TLL1: variants seen among roughly 807,000 people sequenced by gnomAD.
The protein encoded by TLL1 is tolloid-like protein 1.
TLL1 carries 49 observed loss-of-function variants against 128.2 expected under a neutral mutation model. The observed-to-expected ratio is 0.38, with a 90% CI of 0.30 to 0.48. The LOEUF (loss-of-function observed/expected upper bound fraction) is 0.48, where lower values mean the gene tolerates loss of function less well. Ranked by LOEUF, TLL1 falls within the 20% of genes least tolerant of loss-of-function variation. The pLI is 0.96. For synonymous variants in TLL1, 454 were observed against 418.8 expected (o/e 1.08, Z -1.03); for missense variants, 1,123 against 1,242.0 (o/e 0.90, Z 1.44).
At chr4:165,942,455 T>TTG (rs1288348888) in intron 1 of TLL1, among the ~76,000 whole-genome samples, 2 of 151,998 alleles carry the variant, frequency 1.3e-5, no homozygotes, top group South Asian at 2.1e-4. Context: ...AGTTACTGTT[T>TTG]TGTCTATCTC....
intron 1 of TLL1, among the ~76,000 whole-genome samples, chr4:165,933,512 G>A (rs1733626616): frequency 6.6e-6 from 1 of 152,152 alleles, no homozygotes; most frequent in Non-Finnish European, 1.5e-5. Flanking sequence ...CTGTCCATCA[G>A]CTATTAATTT....
intron 1 of TLL1, among the ~76,000 whole-genome samples, chr4:165,911,388 T>G (rs1166592457): frequency 6.6e-6 from 1 of 152,240 alleles, no homozygotes; most frequent in African/African-American, 2.4e-5. Flanking sequence ...TTTTTATGGC[T>G]GAATAGTATT....
At chr4:166,020,272 T>A (rs1738160311) in intron 8 of TLL1, among the ~76,000 whole-genome samples, 1 of 152,192 alleles carries the variant, frequency 6.6e-6, no homozygotes, top group African/African-American at 2.4e-5. Flanking sequence ...CATAAGGCAT[T>A]TTAAAGGACA....
chr4:166,068,977 G>A lies in TLL1; in HGVS notation c.2188+3114G>A, dbSNP rs976690236. Among the ~76,000 whole-genome samples the A allele has an allele frequency of 1.4e-4, 21 of 151,750 alleles. 2 individuals carry two copies. In the South Asian group the frequency reaches 3.9e-3, roughly 28 times the overall value. On this transcript the variant is annotated intron_variant, in intron 16 of 20. Coordinates refer to ENST00000061240, the MANE Select transcript of TLL1 (RefSeq NM_012464.5). Reference sequence around the variant, plus strand: ...TAAAAATACCAAGAATGCTTGGTTAGGGTGGAAAGACGATGCATTATGGTT... The same window carrying A: ...TAAAAATACCAAGAATGCTTGGTTAAGGTGGAAAGACGATGCATTATGGTT...
Position 165,903,452 on chromosome 4 carries a change from G to A in TLL1, c.169+29379G>A, listed in dbSNP as rs1215178419. 6.8e-5 allele frequency among the ~76,000 whole-genome samples: 9 copies of A among 131,990 alleles called. No individual in the cohort carries two copies. In the East Asian group the frequency reaches 6.9e-4, roughly 10 times the overall value. 86.6% of individuals were successfully genotyped at this position (131,990 alleles called of 152,430 possible). A position where few individuals can be genotyped will look rare whatever the true frequency, so the allele number is the denominator to read the frequency against. On this transcript the variant is annotated intron_variant, in intron 1 of 20. Coordinates refer to ENST00000061240, the MANE Select transcript of TLL1 (RefSeq NM_012464.5). ...TTTTGAGACGGAGTCTCACTCTGTC[G>A]CCCAGGCTGGGGTGCAGTGGCACAA... is the stretch of plus-strand genomic sequence containing the variant.
intron 5 of TLL1, among the ~76,000 whole-genome samples, chr4:165,999,366 C>T (rs1173275101): frequency 1.3e-5 from 2 of 152,156 alleles, no homozygotes; most frequent in Admixed American, 1.3e-4. Flanking sequence ...AGGAAACTTA[C>T]AATCATGGTA....
intron 9 of TLL1, chr4:166,030,304 G>A (rs1008675334): frequency 1.5e-5 from 6 of 393,310 alleles, no homozygotes; most frequent in East Asian, 3.6e-5. Context: ...TTTGTATATC[G>A]TCCTTGTAGA....
chr4:165,881,030 G>T (rs1329698566), intron 1 of TLL1, among the ~76,000 whole-genome samples: 1 of 152,202 alleles, frequency 6.6e-6, no homozygotes, highest in Non-Finnish European at 1.5e-5. Context: ...ATGGAACTTT[G>T]TTCCTCTGCC....
chr4:165,949,753 C>T (rs1734421871), intron 1 of TLL1, among the ~76,000 whole-genome samples: 1 of 152,088 alleles, frequency 6.6e-6, no homozygotes, highest in Admixed American at 6.6e-5. Flanking sequence ...ATGGGGGAAA[C>T]CACTGCCATG....
chr4:165,971,179 T>C (rs866045760), intron 1 of TLL1, among the ~76,000 whole-genome samples: 2 of 152,338 alleles, frequency 1.3e-5, no homozygotes, highest in East Asian at 3.9e-4. Flanking sequence ...TCATGGGGGT[T>C]CCCCCGCTAA....
At chr4:165,941,345 T>C (rs1057094703) in intron 1 of TLL1, among the ~76,000 whole-genome samples, 1 of 152,028 alleles carries the variant, frequency 6.6e-6, no homozygotes, top group African/African-American at 2.4e-5. Flanking sequence ...GTCGTAATGA[T>C]GAGGCAAGAA....
At chr4:166,070,743 C>T (rs1273598137) in intron 16 of TLL1, among the ~76,000 whole-genome samples, 1 of 151,916 alleles carries the variant, frequency 6.6e-6, no homozygotes, top group Middle Eastern at 3.4e-3. Context: ...TTGACATGCT[C>T]CTCATCTATC....
At position 166,104,456 on chromosome 4, in the gene TLL1, T is replaced by C. The variant is rs995533962; in HGVS notation, c.*3580T>C. On this transcript the variant is annotated 3_prime_UTR_variant, in exon 21 of 21. Coordinates refer to ENST00000061240, the MANE Select transcript of TLL1 (RefSeq NM_012464.5). ...AGAAAATATAATTGCCTTCTAAAGATATATAATTCGAATTGCAGTAATGCT... is the reference window on the plus strand; with the variant it reads ...AGAAAATATAATTGCCTTCTAAAGACATATAATTCGAATTGCAGTAATGCT... Among the ~76,000 whole-genome samples, 1 of 151,894 alleles carries C rather than the reference T, an allele frequency of 6.6e-6. No homozygotes were observed. The highest frequency in any genetic ancestry group is 2.4e-5 in the African/African-American group (1 of 41,418).
intron 1 of TLL1, among the ~76,000 whole-genome samples, chr4:165,962,557 C>T (rs564836764): frequency 1.2e-4 from 18 of 152,236 alleles, no homozygotes; most frequent in African/African-American, 3.8e-4. Context: ...TAACCCAGCA[C>T]TCTTATTACT....
intron 1 of TLL1, among the ~76,000 whole-genome samples, chr4:165,944,929 AAG>A (rs1287245702): frequency 6.6e-6 from 1 of 152,144 alleles, no homozygotes; most frequent in Non-Finnish European, 1.5e-5. Context: ...TAACTCAGAA[AAG>A]AGGTTTTAAT....
At chr4:165,999,007 T>G (rs1322170403) in intron 5 of TLL1, among the ~76,000 whole-genome samples, 1 of 152,064 alleles carries the variant, frequency 6.6e-6, no homozygotes, top group Non-Finnish European at 1.5e-5. Flanking sequence ...AAAAAACGAT[T>G]TATTAGAAGG....
intron 16 of TLL1, among the ~76,000 whole-genome samples, chr4:166,071,231 A>G (rs914655219): frequency 6.6e-6 from 1 of 151,934 alleles, no homozygotes; most frequent in Non-Finnish European, 1.5e-5. Context: ...TGAATCTTGC[A>G]AGAACTTGAT....
intron 1 of TLL1, among the ~76,000 whole-genome samples, chr4:165,879,036 C>T (rs1030157607): frequency 6.9e-6 from 1 of 145,746 alleles, no homozygotes; most frequent in African/African-American, 2.5e-5. Context: ...CTCAAGCAAT[C>T]CTCCTACCTC....
At chr4:165,915,682 A>T (rs1732746648) in intron 1 of TLL1, among the ~76,000 whole-genome samples, 1 of 152,134 alleles carries the variant, frequency 6.6e-6, no homozygotes, top group African/African-American at 2.4e-5. Flanking sequence ...TTGTTTATTC[A>T]AAGGGTACAG....
Sources: allele counts gnomAD v4.1 joint callset (sites outside exome capture counted in the v4.1 genomes callset), GRCh38; gene constraint gnomAD v4.1.1; transcripts MANE v1.5; gene names NCBI Gene and HGNC (gene_info 2026-07-23, HGNC 2026-07-21).